The following GPC3 variants were observed in gnomAD, a reference collection of about 807,000 sequenced individuals.
GPC3 encodes the protein glypican-3.
Under a neutral mutation model 34.4 loss-of-function variants are expected in GPC3, and 3 were observed. The observed-to-expected ratio is 0.09, with a 90% confidence interval of 0.04 to 0.23. The LOEUF (loss-of-function observed/expected upper bound fraction) is 0.23, where lower values mean the gene tolerates loss of function less well. Ranked by LOEUF, GPC3 falls within the 10% of genes least tolerant of loss-of-function variation. The pLI is 1.00. For synonymous variants in GPC3, 177 were observed against 174.0 expected (o/e 1.02, Z -0.13); for missense variants, 351 against 445.6 (o/e 0.79, Z 1.91).
rs146454277 is a variant in GPC3, at chrX:133,546,005, C to T, written c.1574-9712G>A. On this transcript the variant is annotated intron_variant, in intron 7 of 7. Transcript: ENST00000370818. Reference sequence around the variant, plus strand: ...ATAAATAAACAAACAAGCAAACAAACGGGGATGTCAATTTCTAAAGGTTGA... The same window carrying T: ...ATAAATAAACAAACAAGCAAACAAATGGGGATGTCAATTTCTAAAGGTTGA... Among the ~76,000 whole-genome samples the T allele has an allele frequency of 3.1e-3, 343 of 111,077 alleles. 1 individual carries two copies. Among genetic ancestry groups the T allele is most frequent in the Middle Eastern group, 0.019 (4 of 212 alleles).
At chrX:133,716,682 T>G (rs2071316641) in intron 3 of GPC3, among the ~76,000 whole-genome samples, 1 of 111,575 alleles carries the variant, frequency 9.0e-6, no homozygotes, top group Non-Finnish European at 1.9e-5. Flanking sequence ...CAGAATCCTG[T>G]GGAACACCAG....
chrX:133,822,509 T>C (rs192426697), intron 2 of GPC3, among the ~76,000 whole-genome samples: 1 of 111,984 alleles, frequency 8.9e-6, no homozygotes, highest in African/African-American at 3.2e-5. Context: ...TTGTATTCTA[T>C]TTTATTATTA....
At chrX:133,820,786 T>C (rs1175690601) in intron 2 of GPC3, among the ~76,000 whole-genome samples, 2 of 111,832 alleles carry the variant, frequency 1.8e-5, no homozygotes, top group Non-Finnish European at 3.8e-5. Context: ...AGAGTAATCA[T>C]GTCTGGCTAG....
At position 133,831,765 on chromosome X, in the gene GPC3, A is replaced by G. The variant is rs190943535; in HGVS notation, c.338-77589T>C. On this transcript the variant is annotated intron_variant, in intron 2 of 7. Coordinates refer to ENST00000370818, the MANE Select transcript of GPC3 (RefSeq NM_004484.4). Reference sequence around the variant, plus strand: ...CAACTGTAAAAAAATAAACAATCCAATTTAAAAATGGGCAAAAGATTTGAA... The same window carrying G: ...CAACTGTAAAAAAATAAACAATCCAGTTTAAAAATGGGCAAAAGATTTGAA... Among the ~76,000 whole-genome samples, 5 of 112,741 alleles carry G rather than the reference A, an allele frequency of 4.4e-5. No homozygotes were observed. The East Asian group carries it at 1.4e-3, about 31-fold the overall frequency.
intron 2 of GPC3, among the ~76,000 whole-genome samples, chrX:133,926,996 T>C (rs761683431): frequency 1.8e-5 from 2 of 110,726 alleles, no homozygotes; most frequent in African/African-American, 6.6e-5. Flanking sequence ...ACTTCCCTAG[T>C]GAACTACGGA....
chrX:133,871,337 TCA>T (rs2075993100), intron 2 of GPC3, among the ~76,000 whole-genome samples: 1 of 111,647 alleles, frequency 9.0e-6, no homozygotes. Context: ...ATCCATATAG[TCA>T]CAAATTCTAT....
chrX:133,549,921 CCTTTCT>C lies in GPC3; in HGVS notation c.1574-13634_1574-13629del, dbSNP rs370225658. On this transcript the variant is annotated intron_variant, in intron 7 of 7. Coordinates refer to ENST00000370818, the MANE Select transcript of GPC3 (RefSeq NM_004484.4). The stretch of plus-strand genomic sequence containing the variant: ...CTTTCTATCCTTTTCTCTCTCTCTC[CCTTTCT>C]CTTTCTCTTTCTCTCCTTCCTCCCC... Among the ~76,000 whole-genome samples the C allele has an allele frequency of 3.9e-3, 401 of 103,442 alleles. 1 individual carries two copies. The highest frequency in any genetic ancestry group is 0.013 in the African/African-American group (354 of 28,069). The allele number at this position is 103,442 out of a possible 115,157, so 89.8% of individuals were successfully genotyped here. A position where few individuals can be genotyped will look rare whatever the true frequency, so the allele number is the denominator to read the frequency against.
intron 1 of GPC3, among the ~76,000 whole-genome samples, chrX:133,984,010 G>C (rs1380745337): frequency 8.8e-6 from 1 of 113,154 alleles, no homozygotes; most frequent in African/African-American, 3.2e-5. Flanking sequence ...CTGAGGGCGC[G>C]CTGGCTGCCT....
intron 1 of GPC3, among the ~76,000 whole-genome samples, chrX:133,984,932 CT>C (rs2076559444): frequency 9.0e-6 from 1 of 111,466 alleles, no homozygotes; most frequent in Admixed American, 9.5e-5. Context: ...GAGGCACCAG[CT>C]CGGCTGTGGG....
chrX:133,620,559 C>G (rs1327477942), intron 6 of GPC3, among the ~76,000 whole-genome samples: 1 of 111,215 alleles, frequency 9.0e-6, no homozygotes, highest in African/African-American at 3.3e-5. Context: ...CTTGCTCAGC[C>G]CAGGGTGTCC....
In GPC3 at chrX:133,747,406, C is replaced by CT. The variant is rs761814107; in HGVS notation, c.1032+6075dup. Among the ~76,000 whole-genome samples, 5 of 111,773 alleles carry CT rather than the reference C, an allele frequency of 4.5e-5. No homozygotes were observed. The East Asian group carries it at 1.4e-3, about 32-fold the overall frequency. On this transcript the variant is annotated intron_variant, in intron 3 of 7. Coordinates refer to ENST00000370818, the MANE Select transcript of GPC3 (RefSeq NM_004484.4). ...TGTTAGGAAGATGTAAATCTCATGCCTTTTAGTACTTCATTGGGAAATACT... is the reference window on the plus strand; with the variant it reads ...TGTTAGGAAGATGTAAATCTCATGCCTTTTTAGTACTTCATTGGGAAATACT...
intron 1 of GPC3, among the ~76,000 whole-genome samples, chrX:133,983,949 G>A (rs1471456080): frequency 1.8e-5 from 2 of 113,161 alleles, no homozygotes; most frequent in Non-Finnish European, 1.9e-5. Flanking sequence ...AATTACCTTT[G>A]CAACTAAACA....
intron 3 of GPC3, among the ~76,000 whole-genome samples, chrX:133,722,350 A>T (rs2071375164): frequency 9.0e-6 from 1 of 111,244 alleles, no homozygotes; most frequent in Admixed American, 9.6e-5. Context: ...CAGAACCCCA[A>T]ATCACATAAA....
At chrX:133,651,273 G>T (rs2070599447) in intron 6 of GPC3, among the ~76,000 whole-genome samples, 1 of 109,361 alleles carries the variant, frequency 9.1e-6, no homozygotes, top group Non-Finnish European at 1.9e-5. Context: ...AAGCGGTGGA[G>T]AGTACTTTTC....
intron 5 of GPC3, among the ~76,000 whole-genome samples, chrX:133,680,536 T>C (rs1432430658): frequency 8.9e-6 from 1 of 112,011 alleles, no homozygotes; most frequent in East Asian, 2.8e-4. Context: ...AAATTTCTTT[T>C]CCAGGGAAAT....
chrX:133,850,976 C>A (rs1425573767), intron 2 of GPC3, among the ~76,000 whole-genome samples: 2 of 108,928 alleles, frequency 1.8e-5, no homozygotes, highest in Non-Finnish European at 3.8e-5. Flanking sequence ...TGGTGGCGGG[C>A]GCCTATTGTC....
At chrX:133,963,816 G>A (rs2076451531) in intron 1 of GPC3, among the ~76,000 whole-genome samples, 1 of 112,090 alleles carries the variant, frequency 8.9e-6, no homozygotes, top group African/African-American at 3.2e-5. Flanking sequence ...CCAGTACATA[G>A]TACACACTCA....
At chrX:133,681,566 G>A (rs186287253) in intron 5 of GPC3, among the ~76,000 whole-genome samples, 1 of 112,340 alleles carries the variant, frequency 8.9e-6, no homozygotes, top group East Asian at 2.8e-4. Flanking sequence ...AACTGTGCCA[G>A]TAGCAGCAAA....
intron 7 of GPC3, among the ~76,000 whole-genome samples, chrX:133,549,968 C>T (rs1300225254): frequency 9.4e-6 from 1 of 106,680 alleles, no homozygotes; most frequent in Non-Finnish European, 1.9e-5. Flanking sequence ...GTCTTTCTGT[C>T]TCCCACCTAC....
Sources: allele counts gnomAD v4.1 joint callset (sites outside exome capture counted in the v4.1 genomes callset), GRCh38; gene constraint gnomAD v4.1.1; transcripts MANE v1.5; gene names NCBI Gene and HGNC (gene_info 2026-07-23, HGNC 2026-07-21).